ANK2: variants seen among roughly 807,000 people sequenced by gnomAD.
ANK2 encodes the protein ankyrin-2.
In ANK2, 83 loss-of-function variants were observed where a neutral mutation model predicts 360.5. The ratio of observed to expected loss-of-function variants is 0.23; its 90% CI spans 0.19 to 0.28. ANK2 has a LOEUF of 0.28. Ranked by LOEUF, ANK2 falls within the 10% of genes least tolerant of loss-of-function variation. ANK2 has a pLI of 1.00. For synonymous variants in ANK2, 1,740 were observed against 1,759.5 expected (o/e 0.99, Z 0.28); for missense variants, 4,201 against 4,795.7 (o/e 0.88, Z 3.66).
intron 2 of ANK2, among the ~76,000 whole-genome samples, chr4:112,959,487 TAATTG>T (rs1217467348): frequency 6.6e-6 from 1 of 152,234 alleles, no homozygotes; most frequent in Non-Finnish European, 1.5e-5. Flanking sequence ...AATGTTTGCC[TAATTG>T]AATTGATGTA....
intron 2 of ANK2, among the ~76,000 whole-genome samples, chr4:113,189,963 G>T (rs2098630140): frequency 6.6e-6 from 1 of 151,640 alleles, no homozygotes; most frequent in South Asian, 2.1e-4. Flanking sequence ...CTTTTGGATT[G>T]TATCTTTAAA....
intron 14 of ANK2, among the ~76,000 whole-genome samples, chr4:113,266,851 T>C (rs1246709295): frequency 6.6e-6 from 1 of 152,052 alleles, no homozygotes; most frequent in Non-Finnish European, 1.5e-5. Flanking sequence ...CACTCCAGCC[T>C]GGGCAACAAG....
intron 1 of ANK2, among the ~76,000 whole-genome samples, chr4:112,841,742 C>T (rs574480088): frequency 1.3e-5 from 2 of 152,304 alleles, no homozygotes; most frequent in South Asian, 4.1e-4. Context: ...AACTCTTACT[C>T]TTCCATTCAA....
At chr4:113,233,166 G>A (rs1308379004) in intron 5 of ANK2, among the ~76,000 whole-genome samples, 1 of 114,404 alleles carries the variant, frequency 8.7e-6, no homozygotes, top group Non-Finnish European at 1.7e-5. Context: ...ACGGAGTCTC[G>A]CTCTGTCGCC....
chr4:113,032,419 C>A (rs1173351864), intron 2 of ANK2, among the ~76,000 whole-genome samples: 1 of 151,978 alleles, frequency 6.6e-6, no homozygotes, highest in Non-Finnish European at 1.5e-5. Context: ...AGTCCTTTTC[C>A]AGTGCCGGGT....
intron 1 of ANK2, chr4:112,827,587 T>C: frequency 1.0e-6 from 1 of 1,002,658 alleles, no homozygotes. Context: ...TCGAGCTCTA[T>C]ACCTGGCCCT....
the ANK2 span, among the ~76,000 whole-genome samples, chr4:112,766,540 T>C: frequency 2.6e-5 from 4 of 152,138 alleles, no homozygotes; most frequent in Non-Finnish European, 5.9e-5. Context: ...TCAAGTGGTA[T>C]TATCTATACT....
chr4:112,750,427 A>G, the ANK2 span, among the ~76,000 whole-genome samples: 1 of 152,210 alleles, frequency 6.6e-6, no homozygotes, highest in East Asian at 1.9e-4. Flanking sequence ...ATATGTTTAG[A>G]TACACAAATA....
chr4:112,825,049 T>C (rs549845415), intron 1 of ANK2, among the ~76,000 whole-genome samples: 2 of 152,222 alleles, frequency 1.3e-5, no homozygotes, highest in South Asian at 4.1e-4. Flanking sequence ...GGTACATGGA[T>C]CAAGATGGAA....
chr4:112,900,398 T>A (rs765929857), intron 1 of ANK2, among the ~76,000 whole-genome samples: 1 of 152,138 alleles, frequency 6.6e-6, no homozygotes, highest in Non-Finnish European at 1.5e-5. Context: ...CCGAACATGG[T>A]CTGTACATTG....
At chr4:113,366,066 T>C (rs2096522257) in intron 41 of ANK2, among the ~76,000 whole-genome samples, 1 of 152,160 alleles carries the variant, frequency 6.6e-6, no homozygotes, top group African/African-American at 2.4e-5. Context: ...ATCCCATCTT[T>C]AAAAACAAAA....
At chr4:113,287,250 C>G (rs1427090879) in intron 18 of ANK2, among the ~76,000 whole-genome samples, 1 of 152,092 alleles carries the variant, frequency 6.6e-6, no homozygotes, top group Non-Finnish European at 1.5e-5. Context: ...GGTTGATCAG[C>G]TATTTAAATA....
chr4:113,150,461 A>C (rs1290977001), intron 1 of ANK2, among the ~76,000 whole-genome samples: 1 of 152,212 alleles, frequency 6.6e-6, no homozygotes, highest in Non-Finnish European at 1.5e-5. Context: ...TCTTGGGAGC[A>C]AAATACAATC....
At chr4:112,955,712 T>C (rs989212695) in intron 2 of ANK2, among the ~76,000 whole-genome samples, 2 of 152,138 alleles carry the variant, frequency 1.3e-5, no homozygotes, top group African/African-American at 4.8e-5. Context: ...CCAGGAATAA[T>C]AAAATGTTAT....
intron 26 of ANK2, 123 bp from the exon 27 acceptor site, chr4:113,330,123 A>T: frequency 1.1e-6 from 1 of 908,792 alleles, no homozygotes; most frequent in Non-Finnish European, 1.7e-6. Flanking sequence ...GCATTTTACC[A>T]CCATGCATTT....
At chr4:113,076,487 G>A (rs533736567) in intron 1 of ANK2, among the ~76,000 whole-genome samples, 8 of 152,268 alleles carry the variant, frequency 5.3e-5, no homozygotes, top group African/African-American at 1.9e-4. Flanking sequence ...TCCATTGTAG[G>A]ATTTCATATT....
chr4:112,809,647 C>T, the ANK2 span, among the ~76,000 whole-genome samples: 2 of 150,604 alleles, frequency 1.3e-5, no homozygotes, highest in Middle Eastern at 3.4e-3. Flanking sequence ...TTTAGGAGGC[C>T]GCGGCGGACA....
At chr4:112,846,216 C>T (rs911227925) in intron 1 of ANK2, among the ~76,000 whole-genome samples, 7 of 151,810 alleles carry the variant, frequency 4.6e-5, no homozygotes, top group South Asian at 4.2e-4. Context: ...CTCAAGGGAT[C>T]CTCCCACCTC....
intron 23 of ANK2, among the ~76,000 whole-genome samples, chr4:113,307,698 C>A (rs1026337120): frequency 6.6e-6 from 1 of 152,256 alleles, no homozygotes; most frequent in East Asian, 1.9e-4. Flanking sequence ...TCACCACGCC[C>A]GGCCGCCGTT....
Sources: gnomAD v4.1 joint callset for allele counts (sites outside exome capture counted in the v4.1 genomes callset) on GRCh38, gnomAD v4.1.1 for gene constraint, MANE v1.5 for transcripts, NCBI Gene and HGNC (gene_info 2026-07-23, HGNC 2026-07-21) for gene names.